The following MAGI1 variants were observed in gnomAD, a reference collection of about 807,000 sequenced individuals.
MAGI1 encodes membrane associated guanylate kinase, WW and PDZ domain containing 1.
Under a neutral mutation model 139.9 loss-of-function variants are expected in MAGI1, and 58 were observed. The ratio of observed to expected loss-of-function variants is 0.41; its 90% CI spans 0.34 to 0.52. The LOEUF is 0.52. MAGI1 is among the 20% of genes least tolerant of loss of function. MAGI1 has a pLI of 0.12. For missense variants in MAGI1, 1,874 were observed against 1,901.6 expected, an observed-to-expected ratio of 0.99 and a Z score of 0.27; for synonymous variants, 812 against 737.9, an observed-to-expected ratio of 1.10 and a Z score of -1.63.
In MAGI1 at chr3:65,478,793, A is replaced by C. The variant is rs1951058777; in HGVS notation, c.556T>G (p.Tyr186Asp). Residue 186 changes from tyrosine (Y) to aspartate (D), a missense_variant, in exon 4 of 23, where the codon TAT becomes GAT. Tyr to Asp is a radical substitution (Grantham distance 160). Around this residue, in one of 5 missense-constraint regions of MAGI1, gnomAD observed 648 missense variants for 598.1 expected, o/e 1.08. Transcript: ENST00000402939. ...CTAGGAGGCTTGGGTGTCCCATAATAGTTTCCTAGGTGATGGAGAGACACA... is the reference window on the plus strand; with the variant it reads ...CTAGGAGGCTTGGGTGTCCCATAATCGTTTCCTAGGTGATGGAGAGACACA... ...LLEVGTYEGN[Y>D]YGTPKPPSQP... 1 of 1,612,192 alleles carries C rather than the reference A, an allele frequency of 6.2e-7. No homozygotes were observed. The highest frequency in any genetic ancestry group is 8.5e-7 in the Non-Finnish European group (1 of 1,178,598).
At chr3:65,382,562 C>A (rs1380344023) in intron 15 of MAGI1, among the ~76,000 whole-genome samples, 1 of 152,186 alleles carries the variant, frequency 6.6e-6, no homozygotes, top group African/African-American at 2.4e-5. Context: ...GAAAGCAGAG[C>A]ACTCTTTATA....
At chr3:65,430,589 T>C (rs1947382965) in intron 11 of MAGI1, 110 bp downstream of exon 11, 1 of 1,134,530 alleles carries the variant, frequency 8.8e-7, no homozygotes, top group Non-Finnish European at 1.3e-6. Context: ...ACATGTGCAA[T>C]CATGACGTTG....
At chr3:65,570,771 G>A (rs983428674) in intron 2 of MAGI1, among the ~76,000 whole-genome samples, 12 of 152,138 alleles carry the variant, frequency 7.9e-5, no homozygotes, top group Non-Finnish European at 1.5e-4. Context: ...AAAAAATCCA[G>A]ATCATGTTAC....
chr3:65,950,093 A>AAAAAAAAAAAAAAC (rs2063751644), intron 1 of MAGI1, among the ~76,000 whole-genome samples: 1 of 14,992 alleles, frequency 6.7e-5, no homozygotes, highest in African/African-American at 2.3e-4. Context: ...AAAAAAACAA[A>AAAAAAAAAAAAAAC]CAAAAAAAAA....
At chr3:65,665,346 T>C (rs1039373133) in intron 1 of MAGI1, among the ~76,000 whole-genome samples, 7 of 152,108 alleles carry the variant, frequency 4.6e-5, no homozygotes, top group African/African-American at 9.7e-5. Flanking sequence ...GTAACATCTA[T>C]AGTGCATGAT....
At chr3:65,525,256 G>C (rs2078330792) in intron 2 of MAGI1, among the ~76,000 whole-genome samples, 2 of 152,276 alleles carry the variant, frequency 1.3e-5, no homozygotes, top group Non-Finnish European at 2.9e-5. Flanking sequence ...CTGAGCAGAG[G>C]AGTACCTTTC....
chr3:65,820,511 T>TAC, intron 1 of MAGI1, among the ~76,000 whole-genome samples: 1 of 152,234 alleles, frequency 6.6e-6, no homozygotes, highest in South Asian at 2.1e-4. Flanking sequence ...TTTAGAAACA[T>TAC]ACACATTAGG....
intron 1 of MAGI1, among the ~76,000 whole-genome samples, chr3:65,735,220 T>C (rs555858731): frequency 1.3e-5 from 2 of 152,310 alleles, no homozygotes; most frequent in South Asian, 4.1e-4. Context: ...CCATGTAGAC[T>C]GCTTTAAAAT....
intron 1 of MAGI1, among the ~76,000 whole-genome samples, chr3:65,810,777 G>A (rs1265008572): frequency 6.6e-6 from 1 of 152,166 alleles, no homozygotes; most frequent in Non-Finnish European, 1.5e-5. Context: ...TTCAACTCCA[G>A]CAACCTATTT....
chr3:65,620,811 C>T (rs540396755), intron 2 of MAGI1, among the ~76,000 whole-genome samples: 1 of 152,312 alleles, frequency 6.6e-6, no homozygotes, highest in East Asian at 1.9e-4. Context: ...CTCTTCTCCT[C>T]TCATAGCCTC....
At chr3:65,577,499 A>G (rs12486938) in intron 2 of MAGI1, among the ~76,000 whole-genome samples, 21,054 of 152,144 alleles carry the variant, frequency 0.14, 1,952 homozygotes, top group African/African-American at 0.25. Flanking sequence ...TGAGGTTTCT[A>G]GCACTCCCTT....
intron 1 of MAGI1, among the ~76,000 whole-genome samples, chr3:65,994,283 A>AAAG: frequency 6.6e-6 from 1 of 151,876 alleles, no homozygotes; most frequent in East Asian, 1.9e-4. Context: ...CAAAAAAAAA[A>AAAG]AAAAAAACAC....
intron 2 of MAGI1, among the ~76,000 whole-genome samples, chr3:65,573,390 G>A (rs2081042902): frequency 6.6e-6 from 1 of 151,978 alleles, no homozygotes; most frequent in Admixed American, 6.6e-5. Flanking sequence ...TCCCAGTCAT[G>A]TAAGATTATT....
chr3:65,614,029 GAT>G (rs2083250204), intron 2 of MAGI1, among the ~76,000 whole-genome samples: 1 of 152,230 alleles, frequency 6.6e-6, no homozygotes, highest in South Asian at 2.1e-4. Flanking sequence ...CATCAGTAAA[GAT>G]AATGAGGAAA....
chr3:65,491,581 TTC>T (rs751848187), intron 3 of MAGI1, among the ~76,000 whole-genome samples: 2 of 152,030 alleles, frequency 1.3e-5, no homozygotes, highest in Non-Finnish European at 2.9e-5. Flanking sequence ...ATGAGGACAT[TTC>T]TCTCTCTGCT....
intron 1 of MAGI1, among the ~76,000 whole-genome samples, chr3:65,787,100 C>G (rs146206492): frequency 8.1e-4 from 124 of 152,198 alleles, no homozygotes; most frequent in African/African-American, 2.8e-3. Context: ...ATTTATGGAA[C>G]AACAATAAAA....
chr3:66,037,231 G>T (rs1206730913), intron 1 of MAGI1, among the ~76,000 whole-genome samples: 1 of 152,172 alleles, frequency 6.6e-6, no homozygotes, highest in Non-Finnish European at 1.5e-5. Context: ...GAGTGAGATA[G>T]TGCAAGTAAA....
intron 2 of MAGI1, chr3:65,597,732 C>A (rs771188655): frequency 2.2e-6 from 1 of 456,740 alleles, no homozygotes; most frequent in East Asian, 7.0e-5. Context: ...AGGCTTCCTC[C>A]GGCAGCGGAG....
Position 65,373,158 on chromosome 3 carries a change from T to G in MAGI1, c.3196+2587A>C, listed in dbSNP as rs139646385. On this transcript the variant is annotated intron_variant, in intron 18 of 22. Coordinates refer to ENST00000402939, the MANE Select transcript of MAGI1 (RefSeq NM_001033057.2). The stretch of plus-strand genomic sequence containing the variant: ...ATGCTTAATCATTTCTAGCTTTTGA[T>G]TTAAAGTGAGAGATGTGTGACTCTT... 2.6e-3 allele frequency among the ~76,000 whole-genome samples: 390 copies of G among 152,320 alleles called. 1 individual carries two copies. The highest frequency in any genetic ancestry group is 9.0e-3 in the African/African-American group (376 of 41,568).
Sources: allele counts gnomAD v4.1 joint callset (sites outside exome capture counted in the v4.1 genomes callset), GRCh38; gene constraint gnomAD v4.1.1; regional missense constraint gnomAD v4.1.1; transcripts MANE v1.5; gene names NCBI Gene and HGNC (gene_info 2026-07-23, HGNC 2026-07-21).